The following SND1 variants were observed in gnomAD, a reference collection of about 807,000 sequenced individuals.
SND1 encodes the protein staphylococcal nuclease domain-containing protein 1.
SND1 carries 38 observed loss-of-function variants against 121.7 expected under a neutral mutation model. The observed-to-expected ratio is 0.31, with a 90% confidence interval of 0.24 to 0.41. SND1 has a LOEUF of 0.41. Ranked by LOEUF, SND1 falls within the 10% of genes least tolerant of loss-of-function variation. The pLI, the probability that SND1 is intolerant of heterozygous loss-of-function variation, is 1.00. For synonymous variants in SND1, 401 were observed against 447.4 expected (o/e 0.90, Z 1.31); for missense variants, 868 against 1,184.6 (o/e 0.73, Z 3.92).
At chr7:127,924,052 G>T (rs1412393620) in intron 14 of SND1, among the ~76,000 whole-genome samples, 2 of 151,670 alleles carry the variant, frequency 1.3e-5, no homozygotes, top group Admixed American at 1.3e-4. Flanking sequence ...GTTAAGATTG[G>T]TTAGACCCAG....
At chr7:127,943,570 C>T (rs905199344) in intron 15 of SND1, among the ~76,000 whole-genome samples, 6 of 152,282 alleles carry the variant, frequency 3.9e-5, no homozygotes, top group African/African-American at 1.4e-4. Flanking sequence ...GTGCCTGTTA[C>T]CTGGCAAAGT....
rs149912705 is a variant in SND1 at position 127,792,091 on chromosome 7, C to G, written c.1153-15393C>G. On this transcript the variant is annotated intron_variant, in intron 10 of 23. Coordinates refer to ENST00000354725, the MANE Select transcript of SND1 (RefSeq NM_014390.4). The stretch of plus-strand genomic sequence containing the variant: ...GCACATTCCATGGATTAGACACATA[C>G]TGTGACTTGAAAGTCTTCTCTTTAC... Among the ~76,000 whole-genome samples, 136 of 152,294 alleles carry G rather than the reference C, an allele frequency of 8.9e-4. 1 individual carries two copies. The East Asian group carries it at 0.023, about 26-fold the overall frequency.
chr7:127,924,294 T>G (rs1389076004), intron 14 of SND1, among the ~76,000 whole-genome samples: 1 of 152,236 alleles, frequency 6.6e-6, no homozygotes, highest in Non-Finnish European at 1.5e-5. Context: ...TTCATTTTCC[T>G]GTGATGTTAA....
chr7:127,913,139 CAGAGG>C (rs771013141), intron 14 of SND1, among the ~76,000 whole-genome samples: 37 of 152,298 alleles, frequency 2.4e-4, no homozygotes, highest in Non-Finnish European at 4.3e-4. Flanking sequence ...GTGAGCTGCC[CAGAGG>C]TGGAGCACTG....
At chr7:127,860,264 A>G (rs1346475074) in intron 12 of SND1, among the ~76,000 whole-genome samples, 5 of 152,100 alleles carry the variant, frequency 3.3e-5, no homozygotes, top group Non-Finnish European at 7.4e-5. Flanking sequence ...AGTGGTGGGA[A>G]TGTTTATGGG....
chr7:127,793,918 T>TA (rs1454150339), intron 10 of SND1, among the ~76,000 whole-genome samples: 1 of 152,182 alleles, frequency 6.6e-6, no homozygotes, highest in Non-Finnish European at 1.5e-5. Flanking sequence ...TCAAGTTTGT[T>TA]ACGGTCCCTT....
chr7:127,926,090 ATAAC>A (rs1352696156), intron 14 of SND1, among the ~76,000 whole-genome samples: 1 of 152,150 alleles, frequency 6.6e-6, no homozygotes, highest in Admixed American at 6.5e-5. Context: ...AATAATTTCC[ATAAC>A]TAAATTACCA....
intron 12 of SND1, among the ~76,000 whole-genome samples, chr7:127,858,755 A>G (rs1799328450): frequency 6.6e-6 from 1 of 152,130 alleles, no homozygotes; most frequent in African/African-American, 2.4e-5. Context: ...TTGACCTTCT[A>G]CCCTAAAAAG....
intron 15 of SND1, among the ~76,000 whole-genome samples, chr7:127,957,502 T>C (rs112578076): frequency 1.2e-3 from 179 of 152,268 alleles, no homozygotes; most frequent in African/African-American, 3.8e-3. Context: ...GTGTCTAACA[T>C]TGTGTTTCTT....
chr7:127,868,428 A>G (rs1799518426), intron 12 of SND1, among the ~76,000 whole-genome samples: 1 of 152,160 alleles, frequency 6.6e-6, no homozygotes, highest in Non-Finnish European at 1.5e-5. Flanking sequence ...TAGGTGACAA[A>G]TAACTATTTT....
intron 15 of SND1, among the ~76,000 whole-genome samples, chr7:127,933,777 A>G (rs1423655320): frequency 6.6e-6 from 1 of 152,170 alleles, no homozygotes; most frequent in Non-Finnish European, 1.5e-5. Flanking sequence ...GCACATAGCT[A>G]TGGCTCTACC....
chr7:127,825,649 C>T (rs778807046), intron 11 of SND1, among the ~76,000 whole-genome samples: 30 of 151,586 alleles, frequency 2.0e-4, no homozygotes, highest in Admixed American at 7.2e-4. Context: ...TCAGGTGATC[C>T]GCCCACCCCG....
chr7:127,706,978 T>C (rs947341570), intron 8 of SND1, among the ~76,000 whole-genome samples: 1 of 152,246 alleles, frequency 6.6e-6, no homozygotes, highest in African/African-American at 2.4e-5. Context: ...TTGCACATAT[T>C]CCATTTCCTA....
intron 10 of SND1, among the ~76,000 whole-genome samples, chr7:127,805,848 A>G (rs956995876): frequency 6.6e-6 from 1 of 152,204 alleles, no homozygotes; most frequent in Non-Finnish European, 1.5e-5. Context: ...TGTGGAATCA[A>G]TGGTGTACAT....
At chr7:127,673,523 G>A (rs1448047931) in intron 1 of SND1, among the ~76,000 whole-genome samples, 1 of 152,108 alleles carries the variant, frequency 6.6e-6, no homozygotes, top group East Asian at 1.9e-4. Context: ...TGTTGGCCAG[G>A]CTGATCTCCA....
chr7:127,692,372 C>T (rs971064497), intron 2 of SND1: 2 of 152,230 alleles, frequency 1.3e-5, no homozygotes, highest in African/African-American at 2.4e-5. Flanking sequence ...TTAGATGGGA[C>T]TCTGGGGCAT....
At chr7:127,746,657 T>C (rs978927547) in intron 10 of SND1, among the ~76,000 whole-genome samples, 3 of 152,216 alleles carry the variant, frequency 2.0e-5, no homozygotes, top group Non-Finnish European at 2.9e-5. Flanking sequence ...TGATTGGCTT[T>C]ATGTGGGCGG....
intron 15 of SND1, among the ~76,000 whole-genome samples, chr7:127,960,995 T>G (rs977963462): frequency 2.6e-5 from 4 of 152,206 alleles, no homozygotes; most frequent in African/African-American, 9.6e-5. Context: ...TTGGGAGGTG[T>G]AGGCACATCT....
intron 14 of SND1, among the ~76,000 whole-genome samples, chr7:127,922,745 T>G (rs1446503058): frequency 6.6e-6 from 1 of 152,216 alleles, no homozygotes; most frequent in Non-Finnish European, 1.5e-5. Flanking sequence ...GATATTTCTT[T>G]TAATAATTGT....
Sources: gnomAD v4.1 joint callset for allele counts (sites outside exome capture counted in the v4.1 genomes callset) on GRCh38, gnomAD v4.1.1 for gene constraint, MANE v1.5 for transcripts, NCBI Gene and HGNC (gene_info 2026-07-23, HGNC 2026-07-21) for gene names.